Variants in FADS1 observed in about 807,000 individuals in gnomAD.
FADS1 encodes fatty acid desaturase 1.
Under a neutral mutation model 61.6 loss-of-function variants are expected in FADS1, and 17 were observed. That is an observed-to-expected ratio of 0.28 (90% confidence interval 0.19 to 0.41). The LOEUF (loss-of-function observed/expected upper bound fraction) is 0.41, where lower values mean the gene tolerates loss of function less well. Among genes scored for constraint, FADS1 ranks in the 10% least tolerant of loss-of-function variants. The pLI is 1.00. For synonymous variants in FADS1, 238 were observed against 258.7 expected, an observed-to-expected ratio of 0.92 and a Z score of 0.77; for missense variants, 387 against 650.9, an observed-to-expected ratio of 0.59 and a Z score of 4.41.
chr11:61,809,199 C>G (rs968160264), intron 5 of FADS1, among the ~76,000 whole-genome samples: 3 of 152,188 alleles, frequency 2.0e-5, no homozygotes, highest in Admixed American at 2.0e-4. Flanking sequence ...CCCTTTTCAT[C>G]ATTCAGGTCT....
At position 61,803,710 on chromosome 11, in the gene FADS1, A is replaced by G. The variant is rs753680039; in HGVS notation, c.1111T>C (p.Leu371=). 1.6e-5 allele frequency: 26 copies of G among 1,613,890 alleles called. No individual in the cohort carries two copies. The highest frequency in any genetic ancestry group is 4.5e-5 in the East Asian group (2 of 44,896). The change falls in exon 8 of 12, where the codon TTG becomes CTG. Residue 371 remains leucine, a synonymous_variant. Coordinates refer to ENST00000350997, the MANE Select transcript of FADS1 (RefSeq NM_013402.7). This position sits in a 1 kb window ranked among gnomAD's most constrained non-coding sequence, Gnocchi z 4.3. ...AGGCCCAGGAAGGCTTTCAGCCCCA[A>G]TAGTGGCACATAAGTGAGGAAGAAG... ...VRFFLTYVPL[L]GLKAFLGLFF...
At chr11:61,807,464 C>T (rs2066901816) in intron 5 of FADS1, among the ~76,000 whole-genome samples, 1 of 152,250 alleles carries the variant, frequency 6.6e-6, no homozygotes, top group Admixed American at 6.5e-5. Context: ...TAATTCTCCC[C>T]ATCAAAATCT....
intron 5 of FADS1, among the ~76,000 whole-genome samples, chr11:61,807,933 C>T (rs117645656): frequency 6.6e-6 from 1 of 152,346 alleles, no homozygotes; most frequent in Non-Finnish European, 1.5e-5. Flanking sequence ...TTCTTCAGCA[C>T]CTACTGTGTG....
intron 5 of FADS1, among the ~76,000 whole-genome samples, chr11:61,807,407 C>T (rs916063957): frequency 1.3e-5 from 2 of 152,184 alleles, no homozygotes; most frequent in African/African-American, 4.8e-5. Flanking sequence ...CATGGACAAC[C>T]ATATCTGCCC....
chr11:61,800,215 CAG>C lies in FADS1; in HGVS notation c.*2194_*2195del, dbSNP rs2066845503. On this transcript the variant is annotated 3_prime_UTR_variant, in exon 12 of 12. Coordinates refer to ENST00000350997, the MANE Select transcript of FADS1 (RefSeq NM_013402.7). ...TTTGTTGTTTTTTTTTTTTTTGAGACAGGGTCTTGTTCTATCACCCCAGGCTG... is the reference window on the plus strand; with the variant it reads ...TTTGTTGTTTTTTTTTTTTTTGAGACGGTCTTGTTCTATCACCCCAGGCTG... 1 of 150,228 alleles carries C rather than the reference CAG, an allele frequency of 6.7e-6. No individual in the cohort carries two copies. The allele number at this position is 150,228 out of a possible 1,614,324, so 9.3% of individuals were successfully genotyped here. A position where few individuals can be genotyped will look rare whatever the true frequency, so the allele number is the denominator to read the frequency against.
Position 61,802,236 on chromosome 11 carries a change from G to A in FADS1, c.*175C>T. 1 of 625,152 alleles carries A rather than the reference G, an allele frequency of 1.6e-6. No homozygotes were observed. Among genetic ancestry groups the A allele is most frequent in the Admixed American group, 2.5e-5 (1 of 39,302 alleles). The allele number at this position is 625,152 out of a possible 1,614,324, so 38.7% of individuals were successfully genotyped here. A position where few individuals can be genotyped will look rare whatever the true frequency, so the allele number is the denominator to read the frequency against. ...ACTTCTGTGTCCACCCCCCACTTTG[G>A]GTCTTAGAACTGTGGCTAGAAGATA... On this transcript the variant is annotated 3_prime_UTR_variant, in exon 12 of 12. Transcript: ENST00000350997. This position sits in a 1 kb window ranked among gnomAD's most constrained non-coding sequence, Gnocchi z 4.2.
intron 1 of FADS1, chr11:61,814,569 A>G (rs989421878): frequency 6.6e-6 from 1 of 152,226 alleles, no homozygotes; most frequent in African/African-American, 2.4e-5. Flanking sequence ...GCAGACCCAA[A>G]GAATGAGCAG....
intron 1 of FADS1, among the ~76,000 whole-genome samples, chr11:61,813,834 G>A (rs1421655681): frequency 1.3e-5 from 2 of 151,922 alleles, no homozygotes; most frequent in Non-Finnish European, 2.9e-5. Context: ...GCGAGGTAGC[G>A]GGCGCCTGTA....
rs2066842168 is a variant in FADS1, at chr11:61,799,765, A to G, written c.*2646T>C. 1 of 152,602 alleles carries G rather than the reference A, an allele frequency of 6.6e-6. No homozygotes were observed. The highest frequency in any genetic ancestry group is 2.4e-5 in the African/African-American group (1 of 41,478). 9.5% of individuals were successfully genotyped at this position (152,602 alleles called of 1,614,324 possible). On this transcript the variant is annotated 3_prime_UTR_variant, in exon 12 of 12. Coordinates refer to ENST00000350997, the MANE Select transcript of FADS1 (RefSeq NM_013402.7). ...TTGTAAAAAAGTGAAAGTAACAAAGATAAACATAGAAGTTGGAGTTGTAAA... is the reference window on the plus strand; with the variant it reads ...TTGTAAAAAAGTGAAAGTAACAAAGGTAAACATAGAAGTTGGAGTTGTAAA...
In FADS1 at chr11:61,802,477, T is replaced by G. The variant is rs1460657651; in HGVS notation, c.1455-15A>C. On this transcript the variant is annotated splice_polypyrimidine_tract_variant and intron_variant, in intron 11 of 11. Coordinates refer to ENST00000350997, the MANE Select transcript of FADS1 (RefSeq NM_013402.7). This position sits in a 1 kb window ranked among gnomAD's most constrained non-coding sequence, Gnocchi z 4.2. ...CCTTTAGTGAGCTGCAGGGACAAAA[T>G]GGGGGCAGACAGTGAGGGAGACAAG... 1 of 1,559,368 alleles carries G rather than the reference T, an allele frequency of 6.4e-7. No individual in the cohort carries two copies. The highest frequency in any genetic ancestry group is 8.7e-7 in the Non-Finnish European group (1 of 1,150,798).
At chr11:61,808,943 G>A (rs1250476902) in intron 5 of FADS1, among the ~76,000 whole-genome samples, 2 of 152,180 alleles carry the variant, frequency 1.3e-5, no homozygotes, top group African/African-American at 4.8e-5. Context: ...GCCTTTTAAA[G>A]TGCAAAGCAG....
intron 6 of FADS1, chr11:61,806,436 T>G: frequency 1.9e-6 from 1 of 537,478 alleles, no homozygotes; most frequent in Non-Finnish European, 3.3e-6. Flanking sequence ...GAAACTGGGG[T>G]TGGATGGGAA....
chr11:61,813,815 A>G (rs1323755120), intron 1 of FADS1, among the ~76,000 whole-genome samples: 1 of 151,852 alleles, frequency 6.6e-6, no homozygotes, highest in Non-Finnish European at 1.5e-5. Flanking sequence ...AATACAAAAA[A>G]TTAGCCGGGC....
At chr11:61,806,544 G>C (rs2066895985) in intron 6 of FADS1, 120 bp downstream of exon 6, 1 of 862,482 alleles carries the variant, frequency 1.2e-6, no homozygotes, top group South Asian at 1.4e-5. Context: ...GGGTGGGAGT[G>C]GGGTACTTCC....
intron 6 of FADS1, chr11:61,805,004 C>T (rs1480428345): frequency 1.4e-5 from 8 of 567,114 alleles, no homozygotes; most frequent in East Asian, 2.9e-5. Flanking sequence ...GTGAGGGGTG[C>T]GAGTGGCACT....
intron 7 of FADS1, 200 bp downstream of exon 7, chr11:61,804,485 A>T (rs1201392271): frequency 1.1e-5 from 6 of 557,962 alleles, no homozygotes; most frequent in Non-Finnish European, 1.9e-5. Context: ...ACCGCATGAA[A>T]TTACACATTG....
chr11:61,804,675 G>A lies in FADS1; in HGVS notation c.1053+10C>T. The A allele has an allele frequency of 6.2e-7, 1 of 1,612,142 alleles. No individual in the cohort carries two copies. Among genetic ancestry groups the A allele is most frequent in the Non-Finnish European group, 8.5e-7 (1 of 1,178,268 alleles). On this transcript the variant is annotated intron_variant, in intron 7 of 11. Coordinates refer to ENST00000350997, the MANE Select transcript of FADS1 (RefSeq NM_013402.7). ...CAAGGATGTGGGCTTCTTGGGCCAT[G>A]GATACTCACCACCCACTTCTTTCGC...
At position 61,815,886 on chromosome 11, in the gene FADS1, G is replaced by C. The variant is rs1040437462; in HGVS notation, c.375+669C>G. The C allele has an allele frequency of 4.4e-6, 1 of 224,878 alleles. No individual in the cohort carries two copies. The highest frequency in any genetic ancestry group is 2.3e-5 in the African/African-American group (1 of 43,704). The allele number at this position is 224,878 out of a possible 1,614,324, so 13.9% of individuals were successfully genotyped here. On this transcript the variant is annotated intron_variant, in intron 1 of 11. Coordinates refer to ENST00000350997, the MANE Select transcript of FADS1 (RefSeq NM_013402.7). This position sits in a 1 kb window ranked among gnomAD's most constrained non-coding sequence, Gnocchi z 6.4. ...CCGGCGATTCGAGAACAGCTCTGGG[G>C]GTCCTCGCTAAGTGTATGCCATTCC...
Position 61,801,784 on chromosome 11 carries a change from C to G in FADS1, c.*627G>C, listed in dbSNP as rs1035978798. 1 of 152,624 alleles carries G rather than the reference C, an allele frequency of 6.6e-6. No homozygotes were observed. The highest frequency in any genetic ancestry group is 2.4e-5 in the African/African-American group (1 of 41,468). The allele number at this position is 152,624 out of a possible 1,614,324, so 9.5% of individuals were successfully genotyped here. On this transcript the variant is annotated 3_prime_UTR_variant, in exon 12 of 12. Coordinates refer to ENST00000350997, the MANE Select transcript of FADS1 (RefSeq NM_013402.7). ...CCTTGCTGTTATAATTCTTGCTCAT[C>G]AGGTTCAACTGCCTTATCCCTCTGA...
Sources: allele counts gnomAD v4.1 joint callset (sites outside exome capture counted in the v4.1 genomes callset), GRCh38; gene constraint gnomAD v4.1.1; non-coding constraint Gnocchi (gnomAD v3.1); transcripts MANE v1.5; gene names NCBI Gene and HGNC (gene_info 2026-07-23, HGNC 2026-07-21).